The following LRMDA variants were observed in gnomAD, a reference collection of about 807,000 sequenced individuals.
LRMDA encodes the protein leucine rich melanocyte differentiation associated.
A neutral mutation model predicts 29.8 loss-of-function variants in LRMDA; 18 were observed. The ratio of observed to expected loss-of-function variants is 0.60; its 90% CI spans 0.42 to 0.90. LRMDA has a LOEUF of 0.90. Ranked by LOEUF, LRMDA falls within the 40% of genes least tolerant of loss-of-function variation. LRMDA has a pLI of 0.00. For missense variants in LRMDA, 273 were observed against 273.9 expected (o/e 1.00, Z 0.02); for synonymous variants, 125 against 109.4 (o/e 1.14, Z -0.89).
At chr10:75,449,297 C>A (rs2132029951) in intron 2 of LRMDA, among the ~76,000 whole-genome samples, 1 of 152,196 alleles carries the variant, frequency 6.6e-6, no homozygotes, top group East Asian at 1.9e-4. Flanking sequence ...TGTTCTTATC[C>A]ACATTTCACA....
intron 2 of LRMDA, among the ~76,000 whole-genome samples, chr10:75,561,115 G>C (rs1486330003): frequency 6.6e-6 from 1 of 151,548 alleles, no homozygotes; most frequent in African/African-American, 2.4e-5. Flanking sequence ...AATGGTACCA[G>C]TTCCTCCTTG....
intron 2 of LRMDA, among the ~76,000 whole-genome samples, chr10:76,010,086 T>C (rs1847749652): frequency 6.6e-6 from 1 of 152,126 alleles, no homozygotes; most frequent in African/African-American, 2.4e-5. Context: ...CCGCCTTTTC[T>C]CGCACAACAG....
At position 76,007,013 on chromosome 10, in the gene LRMDA, T is replaced by C. The variant is rs868570449; in HGVS notation, c.132-28995T>C. On this transcript the variant is annotated intron_variant, in intron 2 of 6. Coordinates refer to ENST00000611255, the MANE Select transcript of LRMDA (RefSeq NM_001305581.2). Reference sequence around the variant, plus strand: ...GTGTGTGTGTGTGTGTGTGTGTGTGTGTGTGTGTGTGTGTGTGTGCGCGTG... The same window carrying C: ...GTGTGTGTGTGTGTGTGTGTGTGTGCGTGTGTGTGTGTGTGTGTGCGCGTG... Among the ~76,000 whole-genome samples the C allele has an allele frequency of 1.9e-3, 215 of 113,700 alleles. 2 individuals are homozygous for C. Among genetic ancestry groups the C allele is most frequent in the African/African-American group, 6.2e-3 (203 of 32,824 alleles). 74.6% of individuals were successfully genotyped at this position (113,700 alleles called of 152,430 possible). A position where few individuals can be genotyped will look rare whatever the true frequency, so the allele number is the denominator to read the frequency against.
At chr10:76,102,440 G>C (rs904852568) in intron 5 of LRMDA, among the ~76,000 whole-genome samples, 2 of 152,000 alleles carry the variant, frequency 1.3e-5, no homozygotes, top group African/African-American at 4.8e-5. Context: ...TAGTGTTTGC[G>C]AATTCTCATT....
chr10:75,844,998 G>A (rs1013587109), intron 2 of LRMDA, among the ~76,000 whole-genome samples: 1 of 152,186 alleles, frequency 6.6e-6, no homozygotes, highest in African/African-American at 2.4e-5. Context: ...ATGGCTGGAT[G>A]TTGAAGTGTG....
At chr10:75,673,356 C>T (rs1376684699) in intron 2 of LRMDA, among the ~76,000 whole-genome samples, 1 of 152,136 alleles carries the variant, frequency 6.6e-6, no homozygotes, top group Non-Finnish European at 1.5e-5. Flanking sequence ...CAGAAGAGAC[C>T]TTAGAGGTCA....
chr10:76,407,810 A>G (rs774780134), intron 6 of LRMDA, among the ~76,000 whole-genome samples: 1 of 152,344 alleles, frequency 6.6e-6, no homozygotes, highest in Middle Eastern at 3.4e-3. Context: ...TCATTTAACT[A>G]CACTTAATAG....
chr10:75,788,595 C>T (rs1417802223), intron 2 of LRMDA, among the ~76,000 whole-genome samples: 2 of 152,154 alleles, frequency 1.3e-5, no homozygotes, highest in Admixed American at 6.5e-5. Flanking sequence ...TTTTGCAAGC[C>T]GATTGTCTTG....
intron 4 of LRMDA, among the ~76,000 whole-genome samples, chr10:76,050,943 C>G (rs1315721112): frequency 6.6e-6 from 1 of 152,212 alleles, no homozygotes; most frequent in Non-Finnish European, 1.5e-5. Flanking sequence ...TGTCGTTCAT[C>G]CCCTCCTGCC....
At chr10:76,474,325 T>G (rs1842646142) in intron 6 of LRMDA, among the ~76,000 whole-genome samples, 1 of 151,588 alleles carries the variant, frequency 6.6e-6, no homozygotes, top group South Asian at 2.1e-4. Context: ...AAGGCAGCAG[T>G]GTCTTAAATA....
At chr10:75,833,197 C>G (rs922527564) in intron 2 of LRMDA, among the ~76,000 whole-genome samples, 1 of 152,162 alleles carries the variant, frequency 6.6e-6, no homozygotes, top group African/African-American at 2.4e-5. Flanking sequence ...TAATTTTAAT[C>G]AGAAAACAGT....
At chr10:75,699,093 C>T (rs917415637) in intron 2 of LRMDA, among the ~76,000 whole-genome samples, 5 of 150,682 alleles carry the variant, frequency 3.3e-5, no homozygotes, top group Non-Finnish European at 5.9e-5. Flanking sequence ...CCCAGCTACT[C>T]GGGAGGTGGA....
intron 2 of LRMDA, among the ~76,000 whole-genome samples, chr10:75,656,333 C>T (rs1589148176): frequency 1.3e-5 from 2 of 152,312 alleles, no homozygotes; most frequent in South Asian, 4.1e-4. Flanking sequence ...AAGTACCCCT[C>T]TGTGCCTTAG....
At chr10:76,052,046 C>G (rs1386811454) in intron 4 of LRMDA, among the ~76,000 whole-genome samples, 2 of 152,184 alleles carry the variant, frequency 1.3e-5, no homozygotes, top group Non-Finnish European at 2.9e-5. Flanking sequence ...AGTGAGGAAG[C>G]ATGATGTTTT....
intron 5 of LRMDA, among the ~76,000 whole-genome samples, chr10:76,240,820 A>G (rs200521945): frequency 1.7e-4 from 4 of 22,950 alleles, no homozygotes; most frequent in African/African-American, 3.0e-4. Context: ...ATATATGTAT[A>G]TATATACACA....
intron 5 of LRMDA, among the ~76,000 whole-genome samples, chr10:76,104,242 A>C (rs1276678156): frequency 3.9e-5 from 6 of 152,118 alleles, no homozygotes; most frequent in African/African-American, 1.4e-4. Flanking sequence ...CAGACTCTCC[A>C]GGGACGGCAC....
chr10:76,076,746 G>T (rs1470075055), intron 5 of LRMDA, among the ~76,000 whole-genome samples: 1 of 152,126 alleles, frequency 6.6e-6, no homozygotes, highest in Admixed American at 6.5e-5. Flanking sequence ...AGGAGAGCTG[G>T]AGTCATCAAC....
chr10:76,188,513 C>T (rs919227986), intron 5 of LRMDA, among the ~76,000 whole-genome samples: 4 of 152,122 alleles, frequency 2.6e-5, no homozygotes, highest in East Asian at 1.9e-4. Flanking sequence ...TGACTGGGGT[C>T]GGCTAGTTCC....
chr10:75,699,816 C>T (rs1311126463), intron 2 of LRMDA, among the ~76,000 whole-genome samples: 1 of 152,206 alleles, frequency 6.6e-6, no homozygotes, highest in Non-Finnish European at 1.5e-5. Context: ...GGGGGATTAT[C>T]TTGGATTATT....
Sources: gnomAD v4.1 joint callset for allele counts (sites outside exome capture counted in the v4.1 genomes callset) on GRCh38, gnomAD v4.1.1 for gene constraint, MANE v1.5 for transcripts, NCBI Gene and HGNC (gene_info 2026-07-23, HGNC 2026-07-21) for gene names.